The following LYPLAL1 variants were observed in gnomAD, a reference collection of about 807,000 sequenced individuals.
The protein encoded by LYPLAL1 is lysophospholipase like 1, also known as lysophospholipase-like protein 1.
A neutral mutation model predicts 19.7 loss-of-function variants in LYPLAL1; 23 were observed. The ratio of observed to expected loss-of-function variants is 1.17; its 90% confidence interval spans 0.84 to 1.65. LYPLAL1 has a LOEUF of 1.65. LYPLAL1 is among the 40% of genes most tolerant of loss of function. The pLI is 0.00. For synonymous variants in LYPLAL1, 119 were observed against 96.3 expected (o/e 1.24, Z -1.38); for missense variants, 355 against 279.4 (o/e 1.27, Z -1.93).
At chr1:219,288,141 T>C in the LYPLAL1 span, among the ~76,000 whole-genome samples, 1 of 152,164 alleles carries the variant, frequency 6.6e-6, no homozygotes, top group African/African-American at 2.4e-5. Context: ...GTTAAAAATT[T>C]GTATCCACAT....
the LYPLAL1 span, among the ~76,000 whole-genome samples, chr1:219,341,950 G>A: frequency 6.6e-6 from 1 of 152,052 alleles, no homozygotes. Flanking sequence ...AGGTCAGGCT[G>A]GGGAAGAATA....
the LYPLAL1 span, among the ~76,000 whole-genome samples, chr1:219,317,557 T>C: frequency 2.0e-5 from 3 of 151,816 alleles, no homozygotes; most frequent in Non-Finnish European, 2.9e-5. Flanking sequence ...CTGAAGAAAA[T>C]GAGGTGATGA....
chr1:219,324,187 C>G, the LYPLAL1 span, among the ~76,000 whole-genome samples: 2 of 152,196 alleles, frequency 1.3e-5, no homozygotes, highest in Non-Finnish European at 2.9e-5. Flanking sequence ...TGAAAAGAAA[C>G]TAGATGCCAG....
chr1:219,402,411 A>G, the LYPLAL1 span, among the ~76,000 whole-genome samples: 1 of 152,196 alleles, frequency 6.6e-6, no homozygotes, highest in East Asian at 1.9e-4. Context: ...ATTTGAAACT[A>G]GAAGCAGTTT....
At chr1:219,185,396 C>T (rs1656645262) in intron 2 of LYPLAL1, among the ~76,000 whole-genome samples, 1 of 151,190 alleles carries the variant, frequency 6.6e-6, no homozygotes, top group Non-Finnish European at 1.5e-5. Context: ...TATATTTATT[C>T]TTATGTTTCT....
At chr1:219,359,115 T>C in the LYPLAL1 span, among the ~76,000 whole-genome samples, 2 of 151,932 alleles carry the variant, frequency 1.3e-5, no homozygotes, top group Non-Finnish European at 2.9e-5. Flanking sequence ...TACTTAAGAG[T>C]ATGAAAAAAG....
At chr1:219,328,091 A>G in the LYPLAL1 span, among the ~76,000 whole-genome samples, 1 of 152,156 alleles carries the variant, frequency 6.6e-6, no homozygotes, top group African/African-American at 2.4e-5. Context: ...TTTTGCCCCA[A>G]ATGTCCTTAC....
At chr1:219,288,261 C>T in the LYPLAL1 span, among the ~76,000 whole-genome samples, 1 of 152,100 alleles carries the variant, frequency 6.6e-6, no homozygotes, top group African/African-American at 2.4e-5. Context: ...GTGGTATGTT[C>T]AGACAATGCA....
the LYPLAL1 span, among the ~76,000 whole-genome samples, chr1:219,294,339 G>A: frequency 3.3e-5 from 5 of 152,214 alleles, no homozygotes; most frequent in East Asian, 7.7e-4. Context: ...ACTCACATCT[G>A]CCCTCCTCCT....
At chr1:219,316,684 T>C in the LYPLAL1 span, among the ~76,000 whole-genome samples, 54 of 152,278 alleles carry the variant, frequency 3.5e-4, no homozygotes, top group African/African-American at 1.2e-3. Flanking sequence ...AAATGTGGTA[T>C]GTACATATAG....
chr1:219,312,302 A>C, the LYPLAL1 span, among the ~76,000 whole-genome samples: 1 of 152,036 alleles, frequency 6.6e-6, no homozygotes, highest in South Asian at 2.1e-4. Flanking sequence ...TTCACTTTGA[A>C]ATTTTGCCAG....
chr1:219,285,882 A>G, the LYPLAL1 span, among the ~76,000 whole-genome samples: 2 of 152,184 alleles, frequency 1.3e-5, no homozygotes, highest in Admixed American at 1.3e-4. Flanking sequence ...GTAATATGTG[A>G]ATTTCATCTT....
the LYPLAL1 span, among the ~76,000 whole-genome samples, chr1:219,282,420 A>T: frequency 6.6e-5 from 10 of 151,386 alleles, no homozygotes; most frequent in Non-Finnish European, 1.5e-4. Context: ...GGGGGATATT[A>T]TTGAATAAGT....
the LYPLAL1 span, among the ~76,000 whole-genome samples, chr1:219,306,313 G>A: frequency 1.3e-5 from 2 of 152,122 alleles, no homozygotes; most frequent in African/African-American, 4.8e-5. Flanking sequence ...GGTTAATTTT[G>A]TGTCAATATG....
At chr1:219,415,458 A>T in the LYPLAL1 span, among the ~76,000 whole-genome samples, 1 of 152,240 alleles carries the variant, frequency 6.6e-6, no homozygotes, top group Non-Finnish European at 1.5e-5. Context: ...ATCATCAATC[A>T]CCATCACAGG....
chr1:219,315,488 A>T, the LYPLAL1 span, among the ~76,000 whole-genome samples: 1 of 152,214 alleles, frequency 6.6e-6, no homozygotes, highest in Non-Finnish European at 1.5e-5. Flanking sequence ...ACAAATTTTG[A>T]TGAGGTAAGT....
chr1:219,411,057 A>G, the LYPLAL1 span, among the ~76,000 whole-genome samples: 3 of 152,242 alleles, frequency 2.0e-5, no homozygotes, highest in South Asian at 6.2e-4. Context: ...CAGGACTGGC[A>G]GGCAGCTCCA....
chr1:219,313,133 G>A, the LYPLAL1 span, among the ~76,000 whole-genome samples: 1 of 152,106 alleles, frequency 6.6e-6, no homozygotes, highest in African/African-American at 2.4e-5. Flanking sequence ...ATCATCCAGT[G>A]TAGAGCCATG....
At chr1:219,258,903 G>A in the LYPLAL1 span, among the ~76,000 whole-genome samples, 1 of 151,760 alleles carries the variant, frequency 6.6e-6, no homozygotes. Flanking sequence ...GAATCTACAA[G>A]GATTTCTGAT....
Sources: allele counts gnomAD v4.1 joint callset (sites outside exome capture counted in the v4.1 genomes callset), GRCh38; gene constraint gnomAD v4.1.1; transcripts MANE v1.5; gene names NCBI Gene and HGNC (gene_info 2026-07-23, HGNC 2026-07-21).